Variants in CDKN2A observed in about 807,000 individuals in gnomAD.
CDKN2A encodes the protein cyclin dependent kinase inhibitor 2A.
A neutral mutation model predicts 11.1 loss-of-function variants in CDKN2A; 3 were observed. The observed-to-expected ratio is 0.27, with a 90% CI of 0.12 to 0.70. The LOEUF is 0.70. CDKN2A is among the 30% of genes least tolerant of loss of function. The probability of loss-of-function intolerance (pLI) is 0.77; values close to 1 mark genes in which losing one functional copy is unlikely to be tolerated. For synonymous variants in CDKN2A, 122 were observed against 108.1 expected (o/e 1.13, Z -0.80); for missense variants, 265 against 233.6 (o/e 1.13, Z -0.88).
intron 2 of CDKN2A, among the ~76,000 whole-genome samples, chr9:21,980,787 A>C (rs1327546899): frequency 1.3e-5 from 2 of 150,678 alleles, no homozygotes; most frequent in African/African-American, 4.9e-5. Context: ...GTGAAACCCC[A>C]TCTCTACTAA....
intron 2 of CDKN2A, chr9:21,969,822 G>GGAGGGGCC (rs1467908676): frequency 7.5e-6 from 3 of 398,228 alleles, no homozygotes; most frequent in African/African-American, 6.2e-5. Context: ...GGGGAGGGGA[G>GGAGGGGCC]GAGGGGCCGA....
At chr9:21,971,423 G>C (rs548725319) in intron 1 of CDKN2A, 1 of 1,422,370 alleles carries the variant, frequency 7.0e-7, no homozygotes, top group Non-Finnish European at 9.2e-7. Context: ...GAACTTCTGC[G>C]GAGCTGTCGT....
At chr9:21,969,864 AG>A in intron 2 of CDKN2A, 1 of 397,980 alleles carries the variant, frequency 2.5e-6, no homozygotes. Flanking sequence ...TTAACTTCGA[AG>A]GTGATTTTGC....
intron 2 of CDKN2A, chr9:21,989,227 G>A (rs1320812403): frequency 6.6e-6 from 1 of 152,166 alleles, no homozygotes; most frequent in African/African-American, 2.4e-5. Flanking sequence ...GTTTTTCTAG[G>A]AAGAGTCAGA....
At chr9:21,969,334 G>A (rs573836269) in intron 2 of CDKN2A, among the ~76,000 whole-genome samples, 1 of 152,178 alleles carries the variant, frequency 6.6e-6, no homozygotes, top group Non-Finnish European at 1.5e-5. Flanking sequence ...GCTGCAGTGA[G>A]CTGTGATCGC....
chr9:21,992,563 A>G (rs994427571), intron 2 of CDKN2A: 8 of 462,062 alleles, frequency 1.7e-5, no homozygotes, highest in Non-Finnish European at 2.3e-5. Context: ...AACATACTAT[A>G]AAATATTTTC....
chr9:21,977,940 AAAC>A (rs1349486116), upstream of CDKN2A, among the ~76,000 whole-genome samples: 1 of 152,178 alleles, frequency 6.6e-6, no homozygotes, highest in Non-Finnish European at 1.5e-5. Context: ...AACCATATAA[AAAC>A]AACATTTGGA....
chr9:21,980,538 C>T (rs950041494), intron 2 of CDKN2A, among the ~76,000 whole-genome samples: 15 of 152,112 alleles, frequency 9.9e-5, no homozygotes, highest in African/African-American at 3.6e-4. Flanking sequence ...AATCATCATT[C>T]ATAACTTTAG....
chr9:21,984,255 CA>C (rs1820255484), intron 2 of CDKN2A, among the ~76,000 whole-genome samples: 1 of 151,844 alleles, frequency 6.6e-6, no homozygotes, highest in Non-Finnish European at 1.5e-5. Context: ...TTCTTTGTAA[CA>C]AAGTTTCCCA....
At chr9:21,983,846 C>A (rs1820246541) in intron 2 of CDKN2A, among the ~76,000 whole-genome samples, 1 of 152,018 alleles carries the variant, frequency 6.6e-6, no homozygotes, top group African/African-American at 2.4e-5. Flanking sequence ...GCAAGTGGGA[C>A]AAGCCTAGTC....
chr9:21,984,423 C>T (rs1000522288), intron 2 of CDKN2A, among the ~76,000 whole-genome samples: 6 of 152,028 alleles, frequency 3.9e-5, no homozygotes, highest in Admixed American at 3.3e-4. Flanking sequence ...GGAGAAACTA[C>T]AGTTAAAACT....
intron 1 of CDKN2A, among the ~76,000 whole-genome samples, chr9:21,973,753 A>G (rs1819888463): frequency 2.0e-5 from 3 of 152,244 alleles, no homozygotes; most frequent in Admixed American, 2.0e-4. Flanking sequence ...TGGTAACTAC[A>G]TATTACCTCT....
chr9:21,981,666 C>T (rs1424033578), intron 2 of CDKN2A, among the ~76,000 whole-genome samples: 2 of 147,490 alleles, frequency 1.4e-5, no homozygotes, highest in African/African-American at 5.0e-5. Flanking sequence ...ATGTCTTGAT[C>T]TACAAAACGG....
chr9:21,991,782 TAA>T lies in CDKN2A; in HGVS notation c.-4+2098_-4+2099del, dbSNP rs961083869. The T allele has an allele frequency of 5.8e-5, 57 of 985,238 alleles. No individual in the cohort carries two copies. Among genetic ancestry groups the T allele is most frequent in the Non-Finnish European group, 6.7e-5 (56 of 829,788 alleles). 61.0% of individuals were successfully genotyped at this position (985,238 alleles called of 1,614,324 possible). A position where few individuals can be genotyped will look rare whatever the true frequency, so the allele number is the denominator to read the frequency against. On this transcript the variant is annotated intron_variant, in intron 2 of 3. Transcript: ENST00000494262. This position sits in a 1 kb window ranked among gnomAD's most constrained non-coding sequence, Gnocchi z 5.2. ...AGTACTCAAAGAAGTAAAATGAATATAAGTCTTGATTTCTGAAAGGGCTATGG... is the reference window on the plus strand; with the variant it reads ...AGTACTCAAAGAAGTAAAATGAATATGTCTTGATTTCTGAAAGGGCTATGG...
rs2131081561 is a variant in CDKN2A at position 21,968,686 on chromosome 9, T to C, written c.458-444A>G. The C allele has an allele frequency of 6.5e-7, 1 of 1,536,104 alleles. No homozygotes were observed. The highest frequency in any genetic ancestry group is 1.4e-5 in the African/African-American group (1 of 73,184). On this transcript the variant is annotated intron_variant, in intron 2 of 2. Coordinates refer to ENST00000304494, the MANE Select transcript of CDKN2A (RefSeq NM_000077.5). This position sits in a 1 kb window ranked among gnomAD's most constrained non-coding sequence, Gnocchi z 4.7. ...CAGCTTGCGATAACCAAAGGGCGCC[T>C]CAGGCTCTGGCGCTCCTCGGCGGAA...
chr9:21,981,990 G>A (rs1040889796), intron 2 of CDKN2A, among the ~76,000 whole-genome samples: 1 of 151,512 alleles, frequency 6.6e-6, no homozygotes, highest in Non-Finnish European at 1.5e-5. Flanking sequence ...AACATTGGAT[G>A]TTTCTTTCTC....
chr9:21,968,390 C>T lies in CDKN2A; in HGVS notation c.458-148G>A. 1.3e-6 allele frequency: 2 copies of T among 1,517,058 alleles called. No homozygotes were observed. 94.0% of individuals were successfully genotyped at this position (1,517,058 alleles called of 1,614,324 possible). On this transcript the variant is annotated intron_variant, in intron 2 of 2. Transcript: ENST00000304494. This position sits in a 1 kb window ranked among gnomAD's most constrained non-coding sequence, Gnocchi z 4.7. ...TGGCTTCACGTGCATGTACCCGCCG[C>T]CACCGCTCTCCCACACCTCCCTGGT...
At chr9:21,969,783 G>A (rs1488529220) in intron 2 of CDKN2A, 3 of 397,502 alleles carry the variant, frequency 7.5e-6, no homozygotes, top group East Asian at 3.6e-5. Flanking sequence ...GGACCTGGAT[G>A]CTAGCTGTAA....
rs1014057630 is a variant in CDKN2A at position 21,969,808 on chromosome 9, C to CG, written c.457+1093dup. On this transcript the variant is annotated intron_variant, in intron 2 of 2. Transcript: ENST00000304494. ...GCTAGCTGTAACTGGAGGGAATTGGCGGGGGGGAGGGGAGGAGGGGCCGAG... is the reference window on the plus strand; with the variant it reads ...GCTAGCTGTAACTGGAGGGAATTGGCGGGGGGGGAGGGGAGGAGGGGCCGAG... 2.6e-3 allele frequency: 519 copies of CG among 198,218 alleles called. 2 individuals are homozygous for CG. Among genetic ancestry groups the CG allele is most frequent in the African/African-American group, 0.011 (425 of 40,396 alleles). The allele number at this position is 198,218 out of a possible 1,614,324, so 12.3% of individuals were successfully genotyped here. A position where few individuals can be genotyped will look rare whatever the true frequency, so the allele number is the denominator to read the frequency against.
Sources: allele counts gnomAD v4.1 joint callset (sites outside exome capture counted in the v4.1 genomes callset), GRCh38; gene constraint gnomAD v4.1.1; non-coding constraint Gnocchi (gnomAD v3.1); transcripts MANE v1.5; gene names NCBI Gene and HGNC (gene_info 2026-07-23, HGNC 2026-07-21).